Variants in STIM2 observed in about 807,000 individuals in gnomAD.
STIM2 encodes the protein stromal interaction molecule 2.
In STIM2, 31 loss-of-function variants were observed where a neutral mutation model predicts 85.8. The ratio of observed to expected loss-of-function variants is 0.36; its 90% CI spans 0.27 to 0.49. The LOEUF is 0.49. Among genes scored for constraint, STIM2 ranks in the 20% least tolerant of loss-of-function variants. STIM2 has a pLI of 0.98. For missense variants in STIM2, 841 were observed against 927.6 expected (o/e 0.91, Z 1.21); for synonymous variants, 356 against 331.1 (o/e 1.08, Z -0.82).
chr4:26,931,108 G>A (rs75658755), intron 2 of STIM2, among the ~76,000 whole-genome samples: 4 of 152,182 alleles, frequency 2.6e-5, no homozygotes, highest in Non-Finnish European at 5.9e-5. Context: ...TGCCGTATAA[G>A]TCTCTCTGTA....
chr4:26,935,825 T>G (rs1470223897), intron 2 of STIM2, among the ~76,000 whole-genome samples: 4 of 152,234 alleles, frequency 2.6e-5, no homozygotes. Context: ...TCTTTGTACC[T>G]TGATAAATCT....
chr4:26,863,545 A>G (rs1038778226), intron 1 of STIM2, among the ~76,000 whole-genome samples: 1 of 152,130 alleles, frequency 6.6e-6, no homozygotes, highest in African/African-American at 2.4e-5. Flanking sequence ...AGAGTGTATG[A>G]ATAGTGCTTT....
In STIM2 at chr4:26,995,468, G is replaced by A; in HGVS notation, c.487G>A (p.Val163Ile). 6.2e-7 allele frequency: 1 copy of A among 1,600,520 alleles called. No homozygotes were observed. The highest frequency in any genetic ancestry group is 8.5e-7 in the Non-Finnish European group (1 of 1,173,734). ...TGAGAAGAATTTTAGAGACAACAAT[G>A]TCAAAGGAACGACACTTCCCAGGTG... The change falls in exon 4 of 12, where the codon GTC becomes ATC. Residue 163 changes from valine to isoleucine, a missense_variant. Val to Ile is a conservative substitution (Grantham distance 29). This residue lies in a region of STIM2 where 408 missense variants were observed against 525.4 expected (regional missense o/e 0.78). Transcript: ENST00000467087.
intron 3 of STIM2, among the ~76,000 whole-genome samples, chr4:26,987,012 A>G (rs1447726790): frequency 6.6e-6 from 1 of 152,228 alleles, no homozygotes; most frequent in Non-Finnish European, 1.5e-5. Context: ...ATAGTTAAGC[A>G]GTATAGAAAT....
chr4:26,861,243 G>T lies in STIM2; in HGVS notation c.25G>T (p.Ala9Ser). The T allele has an allele frequency of 6.7e-7, 1 of 1,492,584 alleles. No individual in the cohort carries two copies. The highest frequency in any genetic ancestry group is 2.9e-5 in the East Asian group (1 of 34,792). 92.5% of individuals were successfully genotyped at this position (1,492,584 alleles called of 1,614,324 possible). The change falls in exon 1 of 12, where the codon GCC becomes TCC. Residue 9 changes from alanine (A) to serine (S), a missense_variant. Around this residue, in one of 3 missense-constraint regions of STIM2, gnomAD observed 140 missense variants for 117.7 expected, o/e 1.19. Transcript: ENST00000467087. The stretch of plus-strand genomic sequence containing the variant: ...GTTGCTGGTGCTCGGGCTGCTGGTA[G>T]CCGGAGCGGCGGACGGATGCGAGCT...
chr4:26,966,680 T>C (rs930132124), intron 3 of STIM2, among the ~76,000 whole-genome samples: 2 of 152,154 alleles, frequency 1.3e-5, no homozygotes, highest in Non-Finnish European at 2.9e-5. Context: ...TTCTAAAAAT[T>C]CTAAACATTT....
At chr4:26,904,090 TC>T (rs71643702) in intron 1 of STIM2, among the ~76,000 whole-genome samples, 1 of 78,528 alleles carries the variant, frequency 1.3e-5, no homozygotes, top group African/African-American at 4.7e-5. Context: ...ATGCTATCCC[TC>T]CCCCTCCCCC....
intron 9 of STIM2, 25 bp from the exon 10 acceptor site, chr4:27,008,739 G>C: frequency 1.2e-6 from 2 of 1,609,082 alleles, no homozygotes; most frequent in Non-Finnish European, 1.7e-6. Context: ...GATGCAGTAA[G>C]TAATTTCTTT....
At chr4:26,864,348 G>A (rs1722318672) in intron 1 of STIM2, among the ~76,000 whole-genome samples, 3 of 152,032 alleles carry the variant, frequency 2.0e-5, no homozygotes, top group Admixed American at 2.0e-4. Flanking sequence ...GTATTCTAAA[G>A]CAGTGCTTTA....
chr4:26,988,187 A>G (rs1441721586), intron 3 of STIM2, among the ~76,000 whole-genome samples: 2 of 152,236 alleles, frequency 1.3e-5, no homozygotes, highest in Non-Finnish European at 2.9e-5. Flanking sequence ...TAAAATAACA[A>G]GTTCCTGCCC....
At chr4:26,862,567 A>G (rs936108921) in intron 1 of STIM2, among the ~76,000 whole-genome samples, 9 of 152,154 alleles carry the variant, frequency 5.9e-5, no homozygotes, top group African/African-American at 2.2e-4. Flanking sequence ...TAGAGAGAAG[A>G]AGGATGTTGG....
intron 2 of STIM2, among the ~76,000 whole-genome samples, chr4:26,943,552 G>C (rs959616853): frequency 4.6e-5 from 7 of 152,100 alleles, no homozygotes; most frequent in African/African-American, 1.7e-4. Flanking sequence ...TCCATGTCCA[G>C]CTTGTACATT....
chr4:26,915,636 G>A (rs1230499448), intron 1 of STIM2, among the ~76,000 whole-genome samples: 1 of 152,202 alleles, frequency 6.6e-6, no homozygotes, highest in East Asian at 1.9e-4. Context: ...GGAAAACAAG[G>A]TGGAATTTAA....
intron 7 of STIM2, among the ~76,000 whole-genome samples, chr4:27,004,507 T>C (rs1254082634): frequency 2.6e-5 from 4 of 152,110 alleles, no homozygotes; most frequent in Non-Finnish European, 5.9e-5. Flanking sequence ...CTAAACTTTG[T>C]ATATAAAAAA....
At chr4:26,997,291 A>G (rs938147194) in intron 4 of STIM2, among the ~76,000 whole-genome samples, 4 of 152,210 alleles carry the variant, frequency 2.6e-5, no homozygotes, top group African/African-American at 9.6e-5. Flanking sequence ...ACAACAGTCC[A>G]TTATGATGTT....
chr4:26,988,069 G>A (rs191612138), intron 3 of STIM2, among the ~76,000 whole-genome samples: 1 of 152,290 alleles, frequency 6.6e-6, no homozygotes, highest in African/African-American at 2.4e-5. Flanking sequence ...AAAGATAGTT[G>A]TTGGGGGTTA....
chr4:26,889,672 C>T (rs1723391382), intron 1 of STIM2, among the ~76,000 whole-genome samples: 1 of 152,162 alleles, frequency 6.6e-6, no homozygotes, highest in Non-Finnish European at 1.5e-5. Flanking sequence ...TCATTAGCAC[C>T]TGTAGCCAGG....
intron 2 of STIM2, among the ~76,000 whole-genome samples, chr4:26,955,013 T>G (rs1447257190): frequency 3.4e-5 from 5 of 146,752 alleles, no homozygotes; most frequent in Admixed American, 6.7e-5. Context: ...TCTTTATTAT[T>G]TTTTCTTAGA....
At chr4:26,877,556 G>T (rs1722858258) in intron 1 of STIM2, among the ~76,000 whole-genome samples, 4 of 145,866 alleles carry the variant, frequency 2.7e-5, no homozygotes, top group Middle Eastern at 3.5e-3. Context: ...CATACTTTTT[G>T]AATGATAGAA....
Sources: gnomAD v4.1 joint callset for allele counts (sites outside exome capture counted in the v4.1 genomes callset) on GRCh38, gnomAD v4.1.1 for gene constraint, gnomAD v4.1.1 regional missense constraint, MANE v1.5 for transcripts, NCBI Gene and HGNC (gene_info 2026-07-23, HGNC 2026-07-21) for gene names.